The following DGAT2 variants were observed in gnomAD, a reference collection of about 807,000 sequenced individuals.
DGAT2 encodes diacylglycerol O-acyltransferase 2.
In DGAT2, 33 loss-of-function variants were observed where a neutral mutation model predicts 48.4. The ratio of observed to expected loss-of-function variants is 0.68; its 90% CI spans 0.52 to 0.91. The LOEUF is 0.91. Among genes scored for constraint, DGAT2 ranks in the 40% least tolerant of loss-of-function variants. DGAT2 has a pLI of 0.00. For synonymous variants in DGAT2, 191 were observed against 194.1 expected (o/e 0.98, Z 0.13); for missense variants, 446 against 493.7 (o/e 0.90, Z 0.92).
Position 75,800,359 on chromosome 11 carries a change from G to T in DGAT2, c.1018G>T (p.Glu340Ter). ...YSKPITTVVG[E>*]PITIPKLEHP... ...CCTCTGCCCTGTCCCTGCAGTGGGA[G>T]AGCCCATCACCATCCCCAAGCTGGA... The change falls in exon 8 of 8, where the codon GAG becomes TAG. Residue 340 changes from glutamate (E) to a stop codon, truncating the protein, a stop_gained. Transcript: ENST00000228027. LOFTEE classifies it high-confidence loss of function. 3.1e-6 allele frequency: 5 copies of T among 1,614,084 alleles called. No homozygotes were observed. Among genetic ancestry groups the T allele is most frequent in the Non-Finnish European group, 4.2e-6 (5 of 1,179,980 alleles).
In DGAT2 at chr11:75,772,521, C is replaced by T. The variant is rs140494150; in HGVS notation, c.121+3409C>T. Among the ~76,000 whole-genome samples the T allele has an allele frequency of 1.4e-3, 220 of 152,280 alleles. 3 individuals are homozygous for T. The highest frequency in any genetic ancestry group is 4.9e-3 in the African/African-American group (205 of 41,550). ...GGTCTTCGCATGGCTGGCTTTACAA[C>T]AGTCAATCTCCTCTCAGAGGTCTTC... On this transcript the variant is annotated intron_variant, in intron 1 of 7. Transcript: ENST00000228027.
chr11:75,784,554 G>A, intron 1 of DGAT2, 64 bp from the exon 2 acceptor site: 2 of 1,600,628 alleles, frequency 1.2e-6, no homozygotes, highest in South Asian at 2.2e-5. Flanking sequence ...GGTGAGGTTT[G>A]TACTGGGGAC....
chr11:75,773,436 G>A (rs1443136844), intron 1 of DGAT2, among the ~76,000 whole-genome samples: 1 of 152,224 alleles, frequency 6.6e-6, no homozygotes, highest in Non-Finnish European at 1.5e-5. Flanking sequence ...GTGGCTGGGG[G>A]CTTCACTTCC....
chr11:75,793,840 A>G (rs1945017794), intron 4 of DGAT2: 1 of 152,208 alleles, frequency 6.6e-6, no homozygotes, highest in South Asian at 2.1e-4. Flanking sequence ...AGCACAAGGA[A>G]CTTTTTAATT....
rs1006631710 is a variant in DGAT2 at position 75,768,924 on chromosome 11, C to G, written c.-68C>G. On this transcript the variant is annotated 5_prime_UTR_variant, in exon 1 of 8. Coordinates refer to ENST00000228027, the MANE Select transcript of DGAT2 (RefSeq NM_032564.5). The stretch of plus-strand genomic sequence containing the variant: ...TGCGCGAAGCCCTGGCCCCGGGGGC[C>G]GGGGCATGGGCCAGGGGCGCGGGGT... The G allele has an allele frequency of 2.4e-5, 33 of 1,369,256 alleles. No individual in the cohort carries two copies. Among genetic ancestry groups the G allele is most frequent in the Middle Eastern group, 2.6e-4 (1 of 3,910 alleles). The allele number at this position is 1,369,256 out of a possible 1,614,324, so 84.8% of individuals were successfully genotyped here.
At chr11:75,798,107 T>A (rs1269645646) in intron 6 of DGAT2, 120 bp from the exon 7 acceptor site, 1 of 1,013,594 alleles carries the variant, frequency 9.9e-7, no homozygotes, top group Non-Finnish European at 1.5e-6. Flanking sequence ...GACACCCAGG[T>A]AATTCTGGTA....
chr11:75,784,897 G>A, intron 2 of DGAT2, 151 bp downstream of exon 2: 1 of 1,132,496 alleles, frequency 8.8e-7, no homozygotes, highest in Non-Finnish European at 1.2e-6. Context: ...CTATCTTTTG[G>A]GTCCCAGATC....
intron 1 of DGAT2, among the ~76,000 whole-genome samples, chr11:75,779,362 T>A (rs956565799): frequency 3.9e-5 from 6 of 152,154 alleles, no homozygotes; most frequent in Admixed American, 6.5e-5. Context: ...ATTGTAGAGA[T>A]GATGAGGGAC....
At chr11:75,769,723 A>G (rs1389102512) in intron 1 of DGAT2, among the ~76,000 whole-genome samples, 1 of 151,722 alleles carries the variant, frequency 6.6e-6, no homozygotes, top group Non-Finnish European at 1.5e-5. Flanking sequence ...AGGAATAGCA[A>G]CTCTTCCAAC....
chr11:75,770,753 T>C (rs1944749429), intron 1 of DGAT2, among the ~76,000 whole-genome samples: 1 of 152,164 alleles, frequency 6.6e-6, no homozygotes. Context: ...AGCCACTTAA[T>C]ATCATGTCAG....
intron 1 of DGAT2, chr11:75,774,182 T>G (rs1479222055): frequency 1.3e-5 from 2 of 152,324 alleles, no homozygotes; most frequent in African/African-American, 4.8e-5. Flanking sequence ...TTTGAGGGCC[T>G]CCTGGTATGG....
chr11:75,790,654 C>G lies in DGAT2; in HGVS notation c.359-7C>G. ...CCCCACCAACTCTGTATTTTATTCCCTGGAAGGTGGCAGGAGGTCACAGTG... is the reference window on the plus strand; with the variant it reads ...CCCCACCAACTCTGTATTTTATTCCGTGGAAGGTGGCAGGAGGTCACAGTG... On this transcript the variant is annotated splice_polypyrimidine_tract_variant and splice_region_variant and intron_variant, in intron 3 of 7. Coordinates refer to ENST00000228027, the MANE Select transcript of DGAT2 (RefSeq NM_032564.5). 1 of 1,613,986 alleles carries G rather than the reference C, an allele frequency of 6.2e-7. No homozygotes were observed. The highest frequency in any genetic ancestry group is 8.5e-7 in the Non-Finnish European group (1 of 1,179,930).
chr11:75,799,276 C>T (rs1469158839), intron 7 of DGAT2, among the ~76,000 whole-genome samples: 2 of 152,100 alleles, frequency 1.3e-5, no homozygotes, highest in East Asian at 3.8e-4. Flanking sequence ...TGCTCTTCAC[C>T]TTGAGAATGG....
chr11:75,795,088 A>G (rs896546634), intron 4 of DGAT2: 12 of 151,148 alleles, frequency 7.9e-5, no homozygotes, highest in African/African-American at 2.9e-4. Context: ...GCAGTGGTGC[A>G]ATCTCGGTTT....
intron 2 of DGAT2, among the ~76,000 whole-genome samples, chr11:75,787,591 A>G (rs1944935428): frequency 6.6e-6 from 1 of 152,216 alleles, no homozygotes; most frequent in Non-Finnish European, 1.5e-5. Context: ...GCTTCTCATG[A>G]GCTCAGCAAC....
In DGAT2 at chr11:75,798,448, G is replaced by C; in HGVS notation, c.1012+19G>C. 1 of 1,610,436 alleles carries C rather than the reference G, an allele frequency of 6.2e-7. No individual in the cohort carries two copies. The highest frequency in any genetic ancestry group is 8.5e-7 in the Non-Finnish European group (1 of 1,179,776). ...ACTGTTGGTAAGCCCCTAGCCTGCA[G>C]ACCAAGGGCTGTCCTGAACACAGGG... On this transcript the variant is annotated intron_variant, in intron 7 of 7. Transcript: ENST00000228027.
intron 3 of DGAT2, 135 bp downstream of exon 3, chr11:75,790,430 G>A (rs571144265): frequency 3.5e-6 from 3 of 862,620 alleles, no homozygotes; most frequent in East Asian, 2.5e-5. Context: ...AGTCCTTTTG[G>A]GGGGAGGTTA....
intron 4 of DGAT2, among the ~76,000 whole-genome samples, chr11:75,791,407 G>C (rs1458440465): frequency 6.6e-6 from 1 of 152,124 alleles, no homozygotes; most frequent in Non-Finnish European, 1.5e-5. Context: ...TGCTCCTCAG[G>C]GTCAGCGTTC....
At position 75,769,020 on chromosome 11, in the gene DGAT2, G is replaced by A; in HGVS notation, c.29G>A (p.Gly10Glu). 6.3e-7 allele frequency: 1 copy of A among 1,575,928 alleles called. No individual in the cohort carries two copies. Among genetic ancestry groups the A allele is most frequent in the Non-Finnish European group, 8.6e-7 (1 of 1,163,670 alleles). MKTLIAAYS[G>E]VLRGERQAEA... ...AAGACCCTCATAGCCGCCTACTCCGGGGTCCTGCGCGGCGAGCGTCAGGCC... is the reference window on the plus strand; with the variant it reads ...AAGACCCTCATAGCCGCCTACTCCGAGGTCCTGCGCGGCGAGCGTCAGGCC... The change falls in exon 1 of 8, where the codon GGG (glycine) becomes GAG (glutamate). Residue 10 changes from glycine to glutamate, a missense_variant. Gly to Glu is a moderately conservative substitution (Grantham distance 98). Transcript: ENST00000228027.
Sources: gnomAD v4.1 joint callset for allele counts (sites outside exome capture counted in the v4.1 genomes callset) on GRCh38, gnomAD v4.1.1 for gene constraint, MANE v1.5 for transcripts, NCBI Gene and HGNC (gene_info 2026-07-23, HGNC 2026-07-21) for gene names.